ALMS1: variants seen among roughly 807,000 people sequenced by gnomAD.
ALMS1 encodes the protein centrosome-associated protein ALMS1.
Under a neutral mutation model 352.2 loss-of-function variants are expected in ALMS1, and 271 were observed. The ratio of observed to expected loss-of-function variants is 0.77; its 90% CI spans 0.70 to 0.85. ALMS1 has a LOEUF of 0.85. ALMS1 is among the 40% of genes least tolerant of loss of function. The pLI is 0.00. For missense variants in ALMS1, 5,445 were observed against 4,870.7 expected, an observed-to-expected ratio of 1.12 and a Z score of -3.51; for synonymous variants, 1,865 against 1,761.2, an observed-to-expected ratio of 1.06 and a Z score of -1.48.
intron 9 of ALMS1, among the ~76,000 whole-genome samples, chr2:73,488,886 GT>G (rs746362326): frequency 7.2e-5 from 11 of 152,160 alleles, no homozygotes; most frequent in East Asian, 1.9e-4. Context: ...CAAGGTCTTG[GT>G]TTTTTCCCCC....
At chr2:73,564,681 C>T (rs7566315) in intron 15 of ALMS1, among the ~76,000 whole-genome samples, 65,050 of 151,832 alleles carry the variant, frequency 0.43, 15,116 homozygotes, top group African/African-American at 0.63. Context: ...AAGTTGGGGA[C>T]ATAACATGAA....
chr2:73,585,496 A>C (rs62149781), intron 16 of ALMS1, among the ~76,000 whole-genome samples: 46,368 of 149,542 alleles, frequency 0.31, 8,933 homozygotes, highest in African/African-American at 0.55. Context: ...CAGGTTCAAG[A>C]GATTCTTCTG....
chr2:73,573,750 T>A (rs1193914691), intron 16 of ALMS1, among the ~76,000 whole-genome samples: 1 of 105,300 alleles, frequency 9.5e-6, no homozygotes, highest in African/African-American at 7.0e-5. Flanking sequence ...TTATGTTTAT[T>A]TGGGTTTTTT....
At chr2:73,488,669 G>A (rs1347167716) in intron 9 of ALMS1, among the ~76,000 whole-genome samples, 2 of 152,230 alleles carry the variant, frequency 1.3e-5, no homozygotes, top group Non-Finnish European at 2.9e-5. Flanking sequence ...AGCCACTCCA[G>A]ATGGGATGCC....
chr2:73,457,601 A>G lies in ALMS1; in HGVS notation c.7674+2306A>G, dbSNP rs150970567. 3.5e-3 allele frequency among the ~76,000 whole-genome samples: 528 copies of G among 152,246 alleles called. 9 individuals are homozygous for G. The highest frequency in any genetic ancestry group is 0.014 in the East Asian group (73 of 5,188). Reference sequence around the variant, plus strand: ...TGCTTTTATATCAGTGTTCAAGCCTATTGGAATGATTTTTAATCAAATTTG... The same window carrying G: ...TGCTTTTATATCAGTGTTCAAGCCTGTTGGAATGATTTTTAATCAAATTTG... On this transcript the variant is annotated intron_variant, in intron 9 of 22. Transcript: ENST00000613296.
At chr2:73,473,945 A>AGG (rs902929744) in intron 9 of ALMS1, among the ~76,000 whole-genome samples, 1 of 151,770 alleles carries the variant, frequency 6.6e-6, no homozygotes, top group African/African-American at 2.4e-5. Context: ...AGAGAGAGAG[A>AGG]GAAAGGGGCG....
At chr2:73,469,991 C>T (rs1672435593) in intron 9 of ALMS1, 2 of 151,780 alleles carry the variant, frequency 1.3e-5, no homozygotes, top group Admixed American at 1.3e-4. Context: ...TACTTGAGGA[C>T]ATTAACAAAA....
At chr2:73,429,931 A>G (rs921596623) in intron 6 of ALMS1, among the ~76,000 whole-genome samples, 2 of 151,948 alleles carry the variant, frequency 1.3e-5, no homozygotes, top group African/African-American at 2.4e-5. Flanking sequence ...TTTCTTCATT[A>G]TTGATTAAAC....
chr2:73,609,532 A>G (rs1675894545), intron 22 of ALMS1, 36 bp from the exon 23 acceptor site: 3 of 1,609,980 alleles, frequency 1.9e-6, no homozygotes, highest in African/African-American at 1.3e-5. Flanking sequence ...TGGCAGTAAT[A>G]TCTAACTTCT....
chr2:73,581,977 C>T (rs561246031), intron 16 of ALMS1, among the ~76,000 whole-genome samples: 1 of 152,232 alleles, frequency 6.6e-6, no homozygotes, highest in African/African-American at 2.4e-5. Context: ...CTCCTGACCT[C>T]GTGATCTGTC....
Position 73,455,165 on chromosome 2 carries a change from G to A in ALMS1, c.7544G>A (p.Trp2515Ter). Residue 2515 changes from tryptophan to a stop codon, truncating the protein, a stop_gained, in exon 9 of 23, where the codon TGG becomes TAG. Transcript: ENST00000613296. LOFTEE classifies it high-confidence loss of function. ...CAAGTGTATGCTTTCTCTCCAGCCTGGAATATGAAGTTCAATTTAGCACAT... is the reference window on the plus strand; with the variant it reads ...CAAGTGTATGCTTTCTCTCCAGCCTAGAATATGAAGTTCAATTTAGCACAT... Reference protein sequence around the residue: ...EEESRVRAHAWNMKFNLAHDC... With the variant: ...EEESRVRAHA 6.2e-7 allele frequency: 1 copy of A among 1,613,174 alleles called. No homozygotes were observed. Among genetic ancestry groups the A allele is most frequent in the Non-Finnish European group, 8.5e-7 (1 of 1,179,676 alleles).
chr2:73,536,302 C>T lies in ALMS1; in HGVS notation c.9907+1353C>T, dbSNP rs543707800. Among the ~76,000 whole-genome samples, 64 of 152,292 alleles carry T rather than the reference C, an allele frequency of 4.2e-4. 1 individual carries two copies. The highest frequency in any genetic ancestry group is 2.7e-3 in the Admixed American group (42 of 15,292). ...CCAGTGTCCTGCTATCGATATACGT[C>T]ACTAACACTTCCATCTGGTTGGAGA... On this transcript the variant is annotated intron_variant, in intron 12 of 22. Coordinates refer to ENST00000613296, the MANE Select transcript of ALMS1 (RefSeq NM_001378454.1).
chr2:73,423,097 G>A lies in ALMS1; in HGVS notation c.764+123G>A, dbSNP rs189542772. On this transcript the variant is annotated intron_variant, in intron 4 of 22. Coordinates refer to ENST00000613296, the MANE Select transcript of ALMS1 (RefSeq NM_001378454.1). ...CTTAGATACTCTTAGGACACGCCCT[G>A]AAGGTAACAAAGTCCTGTACTAAGA... 39 of 844,922 alleles carry A rather than the reference G, an allele frequency of 4.6e-5. No homozygotes were observed. The East Asian group carries it at 8.9e-4, about 19-fold the overall frequency. 52.3% of individuals were successfully genotyped at this position (844,922 alleles called of 1,614,324 possible). A position where few individuals can be genotyped will look rare whatever the true frequency, so the allele number is the denominator to read the frequency against.
chr2:73,401,292 TTTTTCTAG>T (rs1670866978), intron 1 of ALMS1, among the ~76,000 whole-genome samples: 1 of 152,204 alleles, frequency 6.6e-6, no homozygotes, highest in African/African-American at 2.4e-5. Flanking sequence ...TTTATTCTTC[TTTTTCTAG>T]TTTCCTAAGT....
At chr2:73,553,207 G>T (rs1674474290) in intron 13 of ALMS1, among the ~76,000 whole-genome samples, 2 of 152,136 alleles carry the variant, frequency 1.3e-5, no homozygotes, top group African/African-American at 4.8e-5. Flanking sequence ...CTTCTCAAAA[G>T]TGATAAACAG....
intron 7 of ALMS1, among the ~76,000 whole-genome samples, chr2:73,438,335 A>G (rs1271133677): frequency 6.6e-6 from 1 of 152,250 alleles, no homozygotes; most frequent in Non-Finnish European, 1.5e-5. Flanking sequence ...CTTCATTTCA[A>G]ATTGGCTCCA....
At chr2:73,392,471 A>G (rs1670670529) in intron 1 of ALMS1, among the ~76,000 whole-genome samples, 1 of 152,174 alleles carries the variant, frequency 6.6e-6, no homozygotes, top group Admixed American at 6.5e-5. Flanking sequence ...AGAACATTTT[A>G]TCACTTCTAA....
intron 1 of ALMS1, among the ~76,000 whole-genome samples, chr2:73,405,065 C>T (rs945523554): frequency 6.6e-6 from 1 of 151,760 alleles, no homozygotes; most frequent in African/African-American, 2.4e-5. Flanking sequence ...GCAAGCACCA[C>T]CATGTCCAGC....
At chr2:73,472,016 C>T (rs1007894789) in intron 9 of ALMS1, among the ~76,000 whole-genome samples, 4 of 151,864 alleles carry the variant, frequency 2.6e-5, no homozygotes, top group Non-Finnish European at 5.9e-5. Flanking sequence ...ATTATTCCAC[C>T]TTAAGGAAGT....
Sources: allele counts gnomAD v4.1 joint callset (sites outside exome capture counted in the v4.1 genomes callset), GRCh38; gene constraint gnomAD v4.1.1; transcripts MANE v1.5; gene names NCBI Gene and HGNC (gene_info 2026-07-23, HGNC 2026-07-21).